Variants in RBM20 observed in about 807,000 individuals in gnomAD.
RBM20 encodes RNA-binding protein 20.
RBM20 carries 51 observed loss-of-function variants against 110.1 expected under a neutral mutation model. The observed-to-expected ratio is 0.46, with a 90% CI of 0.37 to 0.59. RBM20 has a LOEUF of 0.59. Ranked by LOEUF, RBM20 falls within the 20% of genes least tolerant of loss-of-function variation. The pLI, the probability that RBM20 is intolerant of heterozygous loss-of-function variation, is 0.00. For synonymous variants in RBM20, 589 were observed against 618.2 expected (o/e 0.95, Z 0.70); for missense variants, 1,512 against 1,574.9 (o/e 0.96, Z 0.68).
intron 1 of RBM20, among the ~76,000 whole-genome samples, chr10:110,681,822 A>AT (rs35133847): frequency 0.69 from 104,444 of 151,850 alleles, 38,243 homozygotes; most frequent in Non-Finnish European, 0.8. Context: ...CACTACAGAC[A>AT]TTTTTCAGAT....
intron 1 of RBM20, among the ~76,000 whole-genome samples, chr10:110,654,770 G>T (rs1861997481): frequency 6.6e-6 from 1 of 152,198 alleles, no homozygotes; most frequent in Non-Finnish European, 1.5e-5. Context: ...GCAGGAGCAG[G>T]CATGATCTAT....
intron 1 of RBM20, among the ~76,000 whole-genome samples, chr10:110,689,859 G>A (rs1376615472): frequency 6.6e-6 from 1 of 152,182 alleles, no homozygotes; most frequent in African/African-American, 2.4e-5. Context: ...GTAGAAGCCA[G>A]GGAAGATTCT....
intron 9 of RBM20, among the ~76,000 whole-genome samples, chr10:110,815,978 T>A (rs1379380597): frequency 1.3e-5 from 2 of 152,094 alleles, no homozygotes; most frequent in Non-Finnish European, 2.9e-5. Context: ...TTTTGCACTG[T>A]CCTCAAACTC....
intron 7 of RBM20, among the ~76,000 whole-genome samples, chr10:110,800,512 G>GA (rs995577981): frequency 1.3e-5 from 2 of 152,072 alleles, no homozygotes; most frequent in African/African-American, 4.8e-5. Flanking sequence ...AGAACACACA[G>GA]AAAAATGGCT....
chr10:110,724,173 G>A (rs183123578), intron 1 of RBM20, among the ~76,000 whole-genome samples: 2 of 152,220 alleles, frequency 1.3e-5, no homozygotes, highest in East Asian at 3.9e-4. Context: ...CCGTCTGCCA[G>A]TGTGTGTGCA....
At position 110,835,699 on chromosome 10, in the gene RBM20, G is replaced by A. The variant is rs11195348; in HGVS notation, c.3574-169G>A. ...GCAAGCTAACATAATGAGGTACTTA[G>A]CATAAGTTCTGTAGCCCCAGTGGGG... On this transcript the variant is annotated intron_variant, in intron 13 of 13. Coordinates refer to ENST00000369519, the MANE Select transcript of RBM20 (RefSeq NM_001134363.3). The A allele has an allele frequency of 1.6e-5, 9 of 549,116 alleles. No individual in the cohort carries two copies. In the Admixed American group the frequency reaches 2.9e-4, roughly 17 times the overall value. The allele number at this position is 549,116 out of a possible 1,614,324, so 34.0% of individuals were successfully genotyped here. A position where few individuals can be genotyped will look rare whatever the true frequency, so the allele number is the denominator to read the frequency against.
chr10:110,778,365 T>TA (rs1421937242), intron 1 of RBM20, among the ~76,000 whole-genome samples: 1 of 152,260 alleles, frequency 6.6e-6, no homozygotes, highest in Non-Finnish European at 1.5e-5. Flanking sequence ...GCTTTGTACT[T>TA]ACATTTAAAT....
At chr10:110,696,209 T>C (rs1862661185) in intron 1 of RBM20, among the ~76,000 whole-genome samples, 1 of 152,194 alleles carries the variant, frequency 6.6e-6, no homozygotes, top group Non-Finnish European at 1.5e-5. Context: ...CTCTCCTCAG[T>C]AGGAAGTCAC....
At chr10:110,768,247 A>AAGGGAAAGGGAG (rs145477969) in intron 1 of RBM20, among the ~76,000 whole-genome samples, 6 of 148,876 alleles carry the variant, frequency 4.0e-5, no homozygotes, top group Admixed American at 4.0e-4. Flanking sequence ...GAGGGAGGGA[A>AAGGGAAAGGGAG]AGGGAGAGGG....
chr10:110,650,791 GT>G (rs1314839004), intron 1 of RBM20, among the ~76,000 whole-genome samples: 1 of 152,158 alleles, frequency 6.6e-6, no homozygotes, highest in Non-Finnish European at 1.5e-5. Flanking sequence ...ATGTTTTTAA[GT>G]TTTGTTAGGC....
intron 13 of RBM20, among the ~76,000 whole-genome samples, chr10:110,834,585 C>T (rs1244714633): frequency 6.6e-6 from 1 of 152,210 alleles, no homozygotes; most frequent in Non-Finnish European, 1.5e-5. Context: ...AAACGCTGTA[C>T]TGAATGCTTT....
At chr10:110,832,536 T>TA (rs889452250) in intron 13 of RBM20, among the ~76,000 whole-genome samples, 86 of 147,296 alleles carry the variant, frequency 5.8e-4, no homozygotes, top group East Asian at 1.2e-3. Flanking sequence ...CACCCCTAGT[T>TA]AAAAAAAAAA....
intron 1 of RBM20, among the ~76,000 whole-genome samples, chr10:110,655,548 A>G (rs1446627893): frequency 6.6e-6 from 1 of 152,230 alleles, no homozygotes; most frequent in African/African-American, 2.4e-5. Flanking sequence ...TTTTGAACCA[A>G]TTCAGAAAAC....
intron 1 of RBM20, among the ~76,000 whole-genome samples, chr10:110,720,151 C>T (rs963506611): frequency 1.3e-5 from 2 of 152,206 alleles, no homozygotes; most frequent in African/African-American, 2.4e-5. Flanking sequence ...CATCACAATG[C>T]AGGTGAGATG....
chr10:110,681,864 T>C lies in RBM20; in HGVS notation c.191+37219T>C, dbSNP rs1300019484. ...AGTCTTTTCATTAATGTTTCCTTTT[T>C]CTTTTCCTTTTCTTTTCTGCTTTTT... On this transcript the variant is annotated intron_variant, in intron 1 of 13. Transcript: ENST00000369519. Among the ~76,000 whole-genome samples the C allele has an allele frequency of 3.3e-5, 5 of 151,988 alleles. No individual in the cohort carries two copies. In the East Asian group the frequency reaches 7.7e-4, roughly 23 times the overall value.
At chr10:110,679,859 C>T (rs116771880) in intron 1 of RBM20, among the ~76,000 whole-genome samples, 1 of 152,324 alleles carries the variant, frequency 6.6e-6, no homozygotes, top group African/African-American at 2.4e-5. Context: ...AGACCCAGCA[C>T]ACAGATGGCC....
chr10:110,780,694 G>T, intron 1 of RBM20, 107 bp from the exon 2 acceptor site: 1 of 1,272,796 alleles, frequency 7.9e-7, no homozygotes, highest in South Asian at 1.6e-5. Context: ...GGACCAGTGT[G>T]GGAAGGTCTT....
rs1210431567 is a variant in RBM20, at chr10:110,831,043, T to C, written c.3452-18T>C. The C allele has an allele frequency of 1.3e-6, 2 of 1,546,856 alleles. No individual in the cohort carries two copies. The highest frequency in any genetic ancestry group is 1.7e-6 in the Non-Finnish European group (2 of 1,143,200). ...ATGCCATCCTAACCCTGCGTGTCTA[T>C]CCCCCATCCTTTCCCAGGGGTGGAG... On this transcript the variant is annotated intron_variant, in intron 12 of 13. Transcript: ENST00000369519.
chr10:110,671,448 G>A (rs776789614), intron 1 of RBM20, among the ~76,000 whole-genome samples: 4 of 152,132 alleles, frequency 2.6e-5, no homozygotes, highest in African/African-American at 7.2e-5. Context: ...ATAACTAAGC[G>A]GAACCACTCT....
Sources: allele counts gnomAD v4.1 joint callset (sites outside exome capture counted in the v4.1 genomes callset), GRCh38; gene constraint gnomAD v4.1.1; transcripts MANE v1.5; gene names NCBI Gene and HGNC (gene_info 2026-07-23, HGNC 2026-07-21).